The following SEC31B variants were observed in gnomAD, a reference collection of about 807,000 sequenced individuals.
The protein encoded by SEC31B is protein transport protein Sec31B.
A neutral mutation model predicts 135.0 loss-of-function variants in SEC31B; 113 were observed. The observed-to-expected ratio is 0.84, with a 90% CI of 0.72 to 0.98. The LOEUF (loss-of-function observed/expected upper bound fraction) is 0.98. SEC31B is among the 50% of genes least tolerant of loss of function. The probability of loss-of-function intolerance (pLI) is 0.00; values close to 1 mark genes in which losing one functional copy is unlikely to be tolerated. For missense variants in SEC31B, 1,296 were observed against 1,421.1 expected, an observed-to-expected ratio of 0.91 and a Z score of 1.42; for synonymous variants, 508 against 549.4, an observed-to-expected ratio of 0.92 and a Z score of 1.05.
At chr10:100,500,110 C>T (rs1275514782) in intron 11 of SEC31B, 2 of 456,522 alleles carry the variant, frequency 4.4e-6, no homozygotes, top group Admixed American at 4.7e-5. Context: ...ACTTACATAC[C>T]TGCCTGATGT....
Position 100,488,959 on chromosome 10 carries a change from G to A in SEC31B, c.3187C>T (p.Pro1063Ser), listed in dbSNP as rs1363158904. Residue 1063 changes from proline (P) to serine (S), a missense_variant, in exon 24 of 26, where the codon CCT becomes TCT. Coordinates refer to ENST00000370345, the MANE Select transcript of SEC31B (RefSeq NM_015490.4). The part of the protein sequence containing the change: ...ELSLQLQHLP[P>S]EKMERKELPP... ...AGCTCCTTCCTTTCCATCTTCTCAG[G>A]TGGCAGGTGCTGAAGCTGCTGATAA... The A allele has an allele frequency of 6.2e-7, 1 of 1,608,616 alleles. No homozygotes were observed. Among genetic ancestry groups the A allele is most frequent in the South Asian group, 1.1e-5 (1 of 90,206 alleles).
rs1474208175 is a variant in SEC31B, at chr10:100,489,304, A to G, written c.3119T>C (p.Val1040Ala). The stretch of plus-strand genomic sequence containing the variant: ...TGGGGGAGCATGACTCACACTGGAG[A>G]CAGGGGGCTGTGAGGGAAGAATCCC... ...LQGILPSQPP[V>A]SSVSHAPPGV... The change falls in exon 23 of 26, where the codon GTC (valine) becomes GCC (alanine). Residue 1040 changes from valine to alanine, a missense_variant. Physicochemically the swap from Val to Ala is moderately conservative, Grantham distance 64. Transcript: ENST00000370345. 1.9e-6 allele frequency: 3 copies of G among 1,613,490 alleles called. No homozygotes were observed. The highest frequency in any genetic ancestry group is 3.3e-5 in the Admixed American group (2 of 59,906).
intron 22 of SEC31B, 98 bp from the exon 23 acceptor site, chr10:100,489,496 G>C: frequency 1.4e-6 from 2 of 1,466,220 alleles, no homozygotes; most frequent in Non-Finnish European, 9.3e-7. Context: ...GGAGACAGAA[G>C]AGTGAGTGTG....
rs1331719030 is a variant in SEC31B at position 100,506,059 on chromosome 10, T to C, written c.1025A>G (p.His342Arg). ...TCAAACCTTGTCAGCCTGTCTCATA[T>C]GCTGGACTTCCCAGCTCCTACCCAT... Reference protein sequence around the residue: ...SVMGRSWEVQHMRQADKISSS... With the variant: ...SVMGRSWEVQRMRQADKISSS... Residue 342 changes from histidine (H) to arginine (R), a missense_variant, in exon 9 of 26, where the codon CAT (histidine) becomes CGT (arginine). Physicochemically the swap from His to Arg is conservative, Grantham distance 29. Coordinates refer to ENST00000370345, the MANE Select transcript of SEC31B (RefSeq NM_015490.4). 2.7e-5 allele frequency: 44 copies of C among 1,613,894 alleles called. No individual in the cohort carries two copies. Among genetic ancestry groups the C allele is most frequent in the Non-Finnish European group, 3.7e-5 (44 of 1,180,022 alleles).
chr10:100,499,936 T>C (rs898735493), intron 11 of SEC31B, among the ~76,000 whole-genome samples: 2 of 152,242 alleles, frequency 1.3e-5, no homozygotes, highest in African/African-American at 4.8e-5. Context: ...ACTGGAACTA[T>C]GTAACCTAGA....
chr10:100,496,317 G>A lies in SEC31B; in HGVS notation c.2251C>T (p.Leu751=), dbSNP rs1330366345. 1 of 1,614,248 alleles carries A rather than the reference G, an allele frequency of 6.2e-7. No homozygotes were observed. Among genetic ancestry groups the A allele is most frequent in the Non-Finnish European group, 8.5e-7 (1 of 1,180,038 alleles). The part of the protein sequence containing the change: ...TYRVTQYANL[L]AAQGSLATAM... Reference sequence around the variant, plus strand: ...GTGGCCAGGCTGCCCTGGGCTGCCAGGAGGTTGGCATACTGAGTGACCCTG... The same window carrying A: ...GTGGCCAGGCTGCCCTGGGCTGCCAAGAGGTTGGCATACTGAGTGACCCTG... The change falls in exon 18 of 26, where the codon CTG becomes TTG. Residue 751 remains leucine, a synonymous_variant. Transcript: ENST00000370345.
At chr10:100,501,250 A>C (rs1589735427) in intron 11 of SEC31B, among the ~76,000 whole-genome samples, 1 of 152,092 alleles carries the variant, frequency 6.6e-6, no homozygotes, top group Middle Eastern at 3.4e-3. Flanking sequence ...TGTCTCAAAA[A>C]AACAAAAACA....
At chr10:100,512,867 A>G (rs764442115) in intron 3 of SEC31B, among the ~76,000 whole-genome samples, 1 of 152,240 alleles carries the variant, frequency 6.6e-6, no homozygotes, top group African/African-American at 2.4e-5. Context: ...TTCTTTATAC[A>G]TAAGTGAGGG....
Position 100,496,281 on chromosome 10 carries a change from A to T in SEC31B, c.2287T>A (p.Phe763Ile). 6.2e-7 allele frequency: 1 copy of T among 1,614,142 alleles called. No individual in the cohort carries two copies. Among genetic ancestry groups the T allele is most frequent in the Non-Finnish European group, 8.5e-7 (1 of 1,179,988 alleles). Residue 763 changes from phenylalanine (F) to isoleucine (I), a missense_variant, in exon 18 of 26, where the codon TTT (phenylalanine) becomes ATT (isoleucine). Transcript: ENST00000370345. ...ACCTGAGCACAGTCCCTGGGTAGAAAGCTCATGGCAGTGGCCAGGCTGCCC... is the reference window on the plus strand; with the variant it reads ...ACCTGAGCACAGTCCCTGGGTAGAATGCTCATGGCAGTGGCCAGGCTGCCC... ...AQGSLATAMSFLPRDCAQPPV... is the reference protein window; with the variant it reads ...AQGSLATAMSILPRDCAQPPV...
At chr10:100,495,265 C>T in intron 19 of SEC31B, 120 bp downstream of exon 19, 2 of 906,144 alleles carry the variant, frequency 2.2e-6, no homozygotes, top group South Asian at 2.9e-5. Context: ...AGAACTGAAT[C>T]TATGTTCTAT....
chr10:100,510,738 G>A (rs549556600), intron 3 of SEC31B, among the ~76,000 whole-genome samples: 1 of 152,242 alleles, frequency 6.6e-6, no homozygotes, highest in Non-Finnish European at 1.5e-5. Flanking sequence ...CAGAAGCAAA[G>A]TATGGAGAAC....
intron 3 of SEC31B, among the ~76,000 whole-genome samples, chr10:100,513,906 C>T (rs557019577): frequency 1.8e-4 from 28 of 151,992 alleles, no homozygotes; most frequent in African/African-American, 5.5e-4. Context: ...AAATCTCGGC[C>T]GGGTACAGTA....
chr10:100,512,441 A>G (rs1296780320), intron 3 of SEC31B, among the ~76,000 whole-genome samples: 1 of 152,192 alleles, frequency 6.6e-6, no homozygotes. Flanking sequence ...TTCACTGCAC[A>G]TGTTAATCCA....
At chr10:100,489,513 T>C (rs1485003209) in intron 22 of SEC31B, 115 bp from the exon 23 acceptor site, 1 of 1,411,590 alleles carries the variant, frequency 7.1e-7, no homozygotes, top group African/African-American at 1.4e-5. Context: ...TGTGGGAAAC[T>C]GGGAAGTGAG....
At position 100,496,338 on chromosome 10, in the gene SEC31B, C is replaced by A. The variant is rs749540825; in HGVS notation, c.2230G>T (p.Val744Phe). The change falls in exon 18 of 26, where the codon GTC (valine) becomes TTC (phenylalanine). Residue 744 changes from valine (V) to phenylalanine (F), a missense_variant. Coordinates refer to ENST00000370345, the MANE Select transcript of SEC31B (RefSeq NM_015490.4). ...VSPGPATTYR[V>F]TQYANLLAAQ... is the part of the protein sequence containing the mutation. ...GCCAGGAGGTTGGCATACTGAGTGA[C>A]CCTGTAGGTTGTGGCAGGGCCTGGG... is the stretch of plus-strand genomic sequence containing the variant. 2.0e-5 allele frequency: 32 copies of A among 1,614,088 alleles called. No homozygotes were observed. The South Asian group carries it at 3.5e-4, about 18-fold the overall frequency.
At chr10:100,506,863 G>GC (rs1030953773) in intron 7 of SEC31B, among the ~76,000 whole-genome samples, 58 of 152,302 alleles carry the variant, frequency 3.8e-4, no homozygotes, top group African/African-American at 1.4e-3. Flanking sequence ...ACTGTGCAAG[G>GC]CCGAGCGGGG....
At position 100,507,894 on chromosome 10, in the gene SEC31B, C is replaced by T; in HGVS notation, c.639+14G>A. On this transcript the variant is annotated intron_variant, in intron 6 of 25. Transcript: ENST00000370345. ...GCCAGAGCCCAAGCCTGTGTTCTGG[C>T]CTCCAATACTCACCCTGTTGCTGTG... is the stretch of plus-strand genomic sequence containing the variant. The T allele has an allele frequency of 1.9e-6, 3 of 1,614,166 alleles. No individual in the cohort carries two copies. Among genetic ancestry groups the T allele is most frequent in the South Asian group, 1.1e-5 (1 of 91,076 alleles).
chr10:100,513,493 G>T (rs1472743634), intron 3 of SEC31B, among the ~76,000 whole-genome samples: 1 of 151,904 alleles, frequency 6.6e-6, no homozygotes, highest in Non-Finnish European at 1.5e-5. Flanking sequence ...TTTAGGCAGG[G>T]TCTTGCTCTG....
intron 19 of SEC31B, among the ~76,000 whole-genome samples, chr10:100,492,801 ACTG>A (rs1457762715): frequency 1.7e-4 from 26 of 152,244 alleles, no homozygotes; most frequent in Non-Finnish European, 7.3e-5. Flanking sequence ...TTGATTTTAA[ACTG>A]CTGAAGAAAA....
Sources: allele counts gnomAD v4.1 joint callset (sites outside exome capture counted in the v4.1 genomes callset), GRCh38; gene constraint gnomAD v4.1.1; transcripts MANE v1.5; gene names NCBI Gene and HGNC (gene_info 2026-07-23, HGNC 2026-07-21).